The following CHD6 variants were observed in gnomAD, a reference collection of about 807,000 sequenced individuals.
CHD6 encodes the protein ATP-dependent chromatin remodeler CHD6.
In CHD6, 50 loss-of-function variants were observed where a neutral mutation model predicts 276.9. The ratio of observed to expected loss-of-function variants is 0.18; its 90% CI spans 0.14 to 0.23. The LOEUF is 0.23. Ranked by LOEUF, CHD6 falls within the 10% of genes least tolerant of loss-of-function variation. The pLI, the probability that CHD6 is intolerant of heterozygous loss-of-function variation, is 1.00. For synonymous variants in CHD6, 1,173 were observed against 1,229.3 expected (o/e 0.95, Z 0.96); for missense variants, 2,564 against 3,365.8 (o/e 0.76, Z 5.89).
At chr20:41,591,586 G>C (rs1490023091) in intron 1 of CHD6, among the ~76,000 whole-genome samples, 2 of 151,966 alleles carry the variant, frequency 1.3e-5, no homozygotes, top group East Asian at 1.9e-4. Flanking sequence ...CCAGCTATTC[G>C]GGAGGCTGAG....
chr20:41,552,611 C>A (rs1265217052), intron 1 of CHD6, among the ~76,000 whole-genome samples: 1 of 152,112 alleles, frequency 6.6e-6, no homozygotes, highest in Non-Finnish European at 1.5e-5. Context: ...TGGACGCAAA[C>A]AGAAAAATGA....
intron 23 of CHD6, among the ~76,000 whole-genome samples, chr20:41,448,390 G>A (rs1347497995): frequency 6.6e-6 from 1 of 152,172 alleles, no homozygotes; most frequent in Non-Finnish European, 1.5e-5. Flanking sequence ...AATGAATAAA[G>A]GCAAGTGTCT....
Position 41,404,141 on chromosome 20 carries a change from T to C in CHD6, c.*452A>G, listed in dbSNP as rs2046603581. The C allele has an allele frequency of 1.0e-5, 11 of 1,058,612 alleles. No homozygotes were observed. The South Asian group carries it at 3.6e-4, about 35-fold the overall frequency. The allele number at this position is 1,058,612 out of a possible 1,614,324, so 65.6% of individuals were successfully genotyped here. On this transcript the variant is annotated 3_prime_UTR_variant, in exon 37 of 37. Coordinates refer to ENST00000373233, the MANE Select transcript of CHD6 (RefSeq NM_032221.5). ...CAAAAATATGCACCAGCACTTCCTT[T>C]TTCTGTGCTTTTTGGTTCCCTGTGA...
At chr20:41,471,167 T>C (rs1445500679) in intron 17 of CHD6, among the ~76,000 whole-genome samples, 1 of 152,216 alleles carries the variant, frequency 6.6e-6, no homozygotes, top group Non-Finnish European at 1.5e-5. Context: ...CACTGTAACA[T>C]GAAAGCAGCC....
At chr20:41,433,657 A>G (rs1397515445) in intron 27 of CHD6, among the ~76,000 whole-genome samples, 2 of 152,210 alleles carry the variant, frequency 1.3e-5, no homozygotes, top group African/African-American at 4.8e-5. Context: ...GGAACCTTGG[A>G]ACACCAGGAA....
intron 1 of CHD6, among the ~76,000 whole-genome samples, chr20:41,601,130 G>T (rs777764023): frequency 1.3e-5 from 2 of 152,182 alleles, no homozygotes; most frequent in Non-Finnish European, 2.9e-5. Context: ...CAACTCAGAT[G>T]TTAACTCTTC....
intron 2 of CHD6, among the ~76,000 whole-genome samples, chr20:41,541,200 T>C (rs1425082097): frequency 1.3e-5 from 2 of 152,224 alleles, no homozygotes; most frequent in African/African-American, 4.8e-5. Flanking sequence ...TCTCTTTCTT[T>C]TTCTGCATTT....
intron 3 of CHD6, among the ~76,000 whole-genome samples, chr20:41,530,090 G>C (rs1203196504): frequency 6.6e-6 from 1 of 152,224 alleles, no homozygotes; most frequent in African/African-American, 2.4e-5. Context: ...AGTGCCTGCA[G>C]TGCTGGCAGA....
At position 41,404,822 on chromosome 20, in the gene CHD6, T is replaced by C. The variant is rs745580314; in HGVS notation, c.7919A>G (p.Gln2640Arg). The C allele has an allele frequency of 2.2e-5, 35 of 1,613,920 alleles. No individual in the cohort carries two copies. Among genetic ancestry groups the C allele is most frequent in the Non-Finnish European group, 2.6e-5 (31 of 1,179,950 alleles). The change falls in exon 37 of 37, where the codon CAG becomes CGG. Residue 2640 changes from glutamine (Q) to arginine (R), a missense_variant. Gln to Arg is a conservative substitution (Grantham distance 43). Transcript: ENST00000373233. ...TACTATTTCCGAGTGTCTGGCCTGCTGCATGGCTGGCAGAGCCATGCCCAT... is the reference window on the plus strand; with the variant it reads ...TACTATTTCCGAGTGTCTGGCCTGCCGCATGGCTGGCAGAGCCATGCCCAT... ...PGMGMALPAM[Q>R]QARHSEIVGL...
chr20:41,568,571 G>A (rs1239377053), intron 1 of CHD6, among the ~76,000 whole-genome samples: 2 of 152,200 alleles, frequency 1.3e-5, no homozygotes, highest in East Asian at 3.8e-4. Flanking sequence ...TTGGAAAACA[G>A]CTCCTCAACC....
intron 14 of CHD6, among the ~76,000 whole-genome samples, chr20:41,486,996 GACCACCTCTAC>G (rs1277114803): frequency 2.0e-5 from 3 of 152,032 alleles, no homozygotes; most frequent in Non-Finnish European, 4.4e-5. Context: ...TCCTTTGAAG[GACCACCTCTAC>G]TATTTGTTCC....
At position 41,551,333 on chromosome 20, in the gene CHD6, T is replaced by G. The variant is rs2146146226; in HGVS notation, c.5A>C (p.Lys2Thr). Residue 2 changes from lysine to threonine, a missense_variant, in exon 2 of 37, where the codon AAA becomes ACA. Physicochemically the swap from Lys to Thr is moderately conservative, Grantham distance 78. Transcript: ENST00000373233. ...CTTCTCTTTTTTCTGTATTTTCATT[T>G]TCATCTATTGAAGGAAGATATTTAT... The part of the protein sequence containing the change: M[K>T]MKIQKKEKQL... The G allele has an allele frequency of 6.9e-7, 1 of 1,453,338 alleles. No homozygotes were observed. Among genetic ancestry groups the G allele is most frequent in the African/African-American group, 1.5e-5 (1 of 68,826 alleles). The allele number at this position is 1,453,338 out of a possible 1,614,324, so 90.0% of individuals were successfully genotyped here. A position where few individuals can be genotyped will look rare whatever the true frequency, so the allele number is the denominator to read the frequency against.
At chr20:41,543,980 C>G (rs1372048977) in intron 2 of CHD6, among the ~76,000 whole-genome samples, 1 of 152,174 alleles carries the variant, frequency 6.6e-6, no homozygotes, top group African/African-American at 2.4e-5. Context: ...TGGCTCATTC[C>G]TGTAATCCTA....
intron 16 of CHD6, among the ~76,000 whole-genome samples, chr20:41,476,038 C>T (rs966172751): frequency 6.6e-6 from 1 of 152,166 alleles, no homozygotes; most frequent in Non-Finnish European, 1.5e-5. Context: ...TCCTCCCTCA[C>T]TTTTGAGCCA....
chr20:41,448,071 G>A (rs970893056), intron 23 of CHD6, 100 bp from the exon 24 acceptor site: 29 of 601,188 alleles, frequency 4.8e-5, no homozygotes, highest in Middle Eastern at 5.2e-4. Flanking sequence ...GCATTCCCAT[G>A]TAGTTAATAT....
chr20:41,438,666 C>T (rs908450098), intron 26 of CHD6, among the ~76,000 whole-genome samples: 5 of 152,134 alleles, frequency 3.3e-5, no homozygotes, highest in Admixed American at 6.5e-5. Context: ...ATGCTCAAGT[C>T]CTAGAGGCAA....
chr20:41,583,018 A>G (rs2045557093), intron 1 of CHD6, among the ~76,000 whole-genome samples: 1 of 152,190 alleles, frequency 6.6e-6, no homozygotes, highest in African/African-American at 2.4e-5. Flanking sequence ...CATCATATAC[A>G]TGTAACTGGA....
chr20:41,467,852 C>T (rs994998519), intron 17 of CHD6, among the ~76,000 whole-genome samples: 8 of 151,446 alleles, frequency 5.3e-5, no homozygotes, highest in Admixed American at 5.3e-4. Flanking sequence ...GAGGCAGCGG[C>T]GTACTCAAAA....
At chr20:41,598,799 C>T (rs543971909) in intron 1 of CHD6, among the ~76,000 whole-genome samples, 44 of 152,230 alleles carry the variant, frequency 2.9e-4, no homozygotes, top group Admixed American at 7.2e-4. Context: ...CTTGTTCATC[C>T]CCAAGCAGAT....
Sources: allele counts gnomAD v4.1 joint callset (sites outside exome capture counted in the v4.1 genomes callset), GRCh38; gene constraint gnomAD v4.1.1; transcripts MANE v1.5; gene names NCBI Gene and HGNC (gene_info 2026-07-23, HGNC 2026-07-21).